Variants in ERICH6B observed in about 807,000 individuals in gnomAD.
ERICH6B encodes glutamate rich 6B, also known as glutamate-rich protein 6B.
A neutral mutation model predicts 80.0 loss-of-function variants in ERICH6B; 69 were observed. The observed-to-expected ratio is 0.86, with a 90% confidence interval of 0.71 to 1.05. The LOEUF is 1.05. Among genes scored for constraint, ERICH6B ranks in the 50% least tolerant of loss-of-function variants. ERICH6B has a pLI of 0.00. For synonymous variants in ERICH6B, 283 were observed against 291.9 expected, an observed-to-expected ratio of 0.97 and a Z score of 0.31; for missense variants, 754 against 796.1, an observed-to-expected ratio of 0.95 and a Z score of 0.64.
At position 45,574,838 on chromosome 13, in the gene ERICH6B, T is replaced by C; in HGVS notation, c.1050+4A>G. Reference sequence around the variant, plus strand: ...GGGGGGTCTCAAGTTTTTATCCAACTTACGTTTTCATCTAAATCTTCCACT... The same window carrying C: ...GGGGGGTCTCAAGTTTTTATCCAACCTACGTTTTCATCTAAATCTTCCACT... On this transcript the variant is annotated splice_donor_region_variant and intron_variant, in intron 8 of 14. Coordinates refer to ENST00000298738, the MANE Select transcript of ERICH6B (RefSeq NM_182542.3). 6.5e-7 allele frequency: 1 copy of C among 1,547,312 alleles called. No individual in the cohort carries two copies. The highest frequency in any genetic ancestry group is 1.2e-5 in the South Asian group (1 of 83,922).
rs553984126 is a variant in ERICH6B at position 45,578,924 on chromosome 13, C to T, written c.961+1009G>A. Among the ~76,000 whole-genome samples, 20 of 152,248 alleles carry T rather than the reference C, an allele frequency of 1.3e-4. No individual in the cohort carries two copies. In the South Asian group the frequency reaches 1.7e-3, roughly 13 times the overall value. ...AATTAGCCAGGAGTGGTGGCATGCA[C>T]CCGTGGTCCCAGCTACTTAGGAGGC... On this transcript the variant is annotated intron_variant, in intron 7 of 14. Transcript: ENST00000298738.
chr13:45,602,066 A>C (rs1253793699), intron 2 of ERICH6B, among the ~76,000 whole-genome samples: 1 of 152,152 alleles, frequency 6.6e-6, no homozygotes, highest in East Asian at 1.9e-4. Context: ...TGGGGAGAGA[A>C]AAAAGAGATT....
chr13:45,543,663 T>C (rs1197343740), intron 14 of ERICH6B, among the ~76,000 whole-genome samples: 1 of 152,214 alleles, frequency 6.6e-6, no homozygotes, highest in African/African-American at 2.4e-5. Context: ...CACCTTGATC[T>C]CAGACTTGGC....
chr13:45,578,715 C>G (rs1475486873), intron 7 of ERICH6B, among the ~76,000 whole-genome samples: 11 of 152,308 alleles, frequency 7.2e-5, no homozygotes, highest in African/African-American at 2.4e-4. Flanking sequence ...GTTCTAAAAT[C>G]TAGCTACTCA....
intron 1 of ERICH6B, among the ~76,000 whole-genome samples, chr13:45,612,876 A>G (rs1949907746): frequency 6.6e-6 from 1 of 152,178 alleles, no homozygotes; most frequent in Non-Finnish European, 1.5e-5. Context: ...TTGTAAGACC[A>G]GGAGCAAAGG....
intron 7 of ERICH6B, among the ~76,000 whole-genome samples, chr13:45,578,177 C>T (rs908487943): frequency 1.3e-4 from 20 of 152,180 alleles, no homozygotes; most frequent in Non-Finnish European, 2.6e-4. Context: ...CCTCCACCAC[C>T]ACCTGGTTAA....
chr13:45,555,772 G>A (rs1394777816), intron 11 of ERICH6B, among the ~76,000 whole-genome samples: 1 of 151,996 alleles, frequency 6.6e-6, no homozygotes, highest in South Asian at 2.1e-4. Context: ...ATAGACATCT[G>A]TTCATTAAGC....
chr13:45,588,728 C>T (rs1435725300), intron 4 of ERICH6B, among the ~76,000 whole-genome samples: 1 of 152,226 alleles, frequency 6.6e-6, no homozygotes, highest in African/African-American at 2.4e-5. Context: ...CAGACACTGT[C>T]TGTCGTGCCT....
intron 3 of ERICH6B, among the ~76,000 whole-genome samples, chr13:45,595,468 C>A (rs1876323047): frequency 6.6e-6 from 1 of 151,480 alleles, no homozygotes; most frequent in Admixed American, 6.6e-5. Flanking sequence ...CAATATAAAG[C>A]ATGATCCTTT....
chr13:45,562,983 C>T (rs1874753111), intron 10 of ERICH6B, among the ~76,000 whole-genome samples: 1 of 152,280 alleles, frequency 6.6e-6, no homozygotes, highest in Non-Finnish European at 1.5e-5. Context: ...ATATGGCTAT[C>T]ATTTTCACGT....
intron 10 of ERICH6B, 77 bp from the exon 11 acceptor site, chr13:45,561,603 A>G (rs1593780174): frequency 3.4e-6 from 5 of 1,484,632 alleles, no homozygotes; most frequent in Non-Finnish European, 4.5e-6. Context: ...TGTCTCTCTC[A>G]AGGTGCCAAA....
chr13:45,590,652 G>GCATC lies in ERICH6B; in HGVS notation c.679_682dup (p.Ala228GlyfsTer30). 1 of 1,551,360 alleles carries GCATC rather than the reference G, an allele frequency of 6.4e-7. No homozygotes were observed. The highest frequency in any genetic ancestry group is 8.7e-7 in the Non-Finnish European group (1 of 1,146,872). On this transcript the variant is annotated frameshift_variant, in exon 4 of 15. Transcript: ENST00000298738. LOFTEE classifies it high-confidence loss of function. ...TATCCCAAAAGAAAACTGTTACCTT[G>GCATC]CATCACGAAGAAGCATGGTTTGTGA...
chr13:45,561,711 G>A (rs1405516511), intron 10 of ERICH6B, among the ~76,000 whole-genome samples, 185 bp from the exon 11 acceptor site: 1 of 152,122 alleles, frequency 6.6e-6, no homozygotes, highest in East Asian at 1.9e-4. Context: ...AAGTGTTGGG[G>A]CTGACATTCC....
At chr13:45,603,970 C>G (rs981307027) in intron 2 of ERICH6B, among the ~76,000 whole-genome samples, 7 of 152,302 alleles carry the variant, frequency 4.6e-5, no homozygotes, top group Admixed American at 4.6e-4. Context: ...AATACAGACC[C>G]CTCCCTTTCC....
At chr13:45,583,124 A>G (rs1337855149) in intron 5 of ERICH6B, among the ~76,000 whole-genome samples, 1 of 152,212 alleles carries the variant, frequency 6.6e-6, no homozygotes. Context: ...AGTTCCTGCT[A>G]TTTCTCAACT....
At chr13:45,590,726 A>T in intron 3 of ERICH6B, 29 bp from the exon 4 acceptor site, 1 of 1,540,662 alleles carries the variant, frequency 6.5e-7, no homozygotes, top group Non-Finnish European at 8.8e-7. Context: ...AAAAAGCAAT[A>T]TTGGCAAAAA....
rs953158371 is a variant in ERICH6B, at chr13:45,563,892, A to C, written c.1188-104T>G. ...CTGGAGCCTGCAGAGTCTCTTTCGC[A>C]GGTGGAAATGGGGCCAATGGCTTTG... On this transcript the variant is annotated intron_variant, in intron 9 of 14. Coordinates refer to ENST00000298738, the MANE Select transcript of ERICH6B (RefSeq NM_182542.3). The C allele has an allele frequency of 2.1e-5, 20 of 970,116 alleles. No individual in the cohort carries two copies. In the African/African-American group the frequency reaches 2.8e-4, roughly 14 times the overall value. The allele number at this position is 970,116 out of a possible 1,614,324, so 60.1% of individuals were successfully genotyped here.
At chr13:45,586,543 A>C (rs1353126058) in intron 5 of ERICH6B, among the ~76,000 whole-genome samples, 1 of 152,190 alleles carries the variant, frequency 6.6e-6, no homozygotes, top group Non-Finnish European at 1.5e-5. Context: ...TCTTAGCTGT[A>C]GCCACGAAAG....
chr13:45,568,156 C>T (rs1222321122), intron 9 of ERICH6B, among the ~76,000 whole-genome samples, 159 bp downstream of exon 9: 2 of 152,226 alleles, frequency 1.3e-5, no homozygotes, highest in Admixed American at 1.3e-4. Flanking sequence ...GGATCTCACC[C>T]TTTCCCTGTG....
Sources: gnomAD v4.1 joint callset for allele counts (sites outside exome capture counted in the v4.1 genomes callset) on GRCh38, gnomAD v4.1.1 for gene constraint, MANE v1.5 for transcripts, NCBI Gene and HGNC (gene_info 2026-07-23, HGNC 2026-07-21) for gene names.